Variants in FCRL4 observed in about 807,000 individuals in gnomAD.
FCRL4 encodes the protein Fc receptor like 4, also known as Fc receptor-like protein 4.
FCRL4 carries 43 observed loss-of-function variants against 64.1 expected under a neutral mutation model. The ratio of observed to expected loss-of-function variants is 0.67; its 90% CI spans 0.53 to 0.87. FCRL4 has a LOEUF of 0.87. Among genes scored for constraint, FCRL4 ranks in the 40% least tolerant of loss-of-function variants. The pLI, the probability that FCRL4 is intolerant of heterozygous loss-of-function variation, is 0.00. For synonymous variants in FCRL4, 253 were observed against 239.8 expected (o/e 1.05, Z -0.51); for missense variants, 656 against 613.5 (o/e 1.07, Z -0.73).
At position 157,583,725 on chromosome 1, in the gene FCRL4, T is replaced by C. The variant is rs1359648309; in HGVS notation, c.1136-2081A>G. Reference sequence around the variant, plus strand: ...GTTTTTTAAGCTCCCCAGTCCCTGGTGTTTGGTTATGGCAGTTCAAGCTGC... The same window carrying C: ...GTTTTTTAAGCTCCCCAGTCCCTGGCGTTTGGTTATGGCAGTTCAAGCTGC... On this transcript the variant is annotated intron_variant, in intron 6 of 11. Transcript: ENST00000271532. 2.6e-5 allele frequency among the ~76,000 whole-genome samples: 4 copies of C among 152,274 alleles called. No homozygotes were observed. In the South Asian group the frequency reaches 8.3e-4, roughly 32 times the overall value.
At chr1:157,584,750 C>T (rs1652635854) in intron 6 of FCRL4, among the ~76,000 whole-genome samples, 1 of 152,046 alleles carries the variant, frequency 6.6e-6, no homozygotes, top group South Asian at 2.1e-4. Context: ...CTGGGCCATT[C>T]GCATAGCAAC....
intron 2 of FCRL4, among the ~76,000 whole-genome samples, chr1:157,589,908 A>AG (rs1652801841): frequency 6.6e-6 from 1 of 152,130 alleles, no homozygotes; most frequent in African/African-American, 2.4e-5. Context: ...GATTATTTTG[A>AG]GCTAAAGGCT....
At position 157,589,272 on chromosome 1, in the gene FCRL4, G is replaced by T; in HGVS notation, c.239C>A (p.Ser80Tyr). ...CCGGGCCTGGCATCTGTACAGTCCA[G>T]ATTCCCGAACCTCGAGGGTGTTTCC... ...TPGNTLEVRESGLYRCQARGS... is the reference protein window; with the variant it reads ...TPGNTLEVREYGLYRCQARGS... Residue 80 changes from serine to tyrosine, a missense_variant, in exon 3 of 12, where the codon TCT (serine) becomes TAT (tyrosine). Ser to Tyr is a moderately radical substitution (Grantham distance 144, BLOSUM62 -2). Transcript: ENST00000271532. 1 of 1,614,200 alleles carries T rather than the reference G, an allele frequency of 6.2e-7. No homozygotes were observed. The highest frequency in any genetic ancestry group is 1.1e-5 in the South Asian group (1 of 91,086).
Position 157,586,342 on chromosome 1 carries a change from A to C in FCRL4, c.961T>G (p.Phe321Val), listed in dbSNP as rs149916273. The change falls in exon 6 of 12, where the codon TTC (phenylalanine) becomes GTC (valine). Residue 321 changes from phenylalanine to valine, a missense_variant. By Grantham distance (50) the Phe-to-Val change is conservative. Coordinates refer to ENST00000271532, the MANE Select transcript of FCRL4 (RefSeq NM_031282.3). ...SVAEGTGDTT[F>V]SWHREDMQES... ...TGCATGTCCTCTCGGTGCCAGGAGA[A>C]TGTGGTATCCCCTGTGCCTTCAGCC... The C allele has an allele frequency of 2.0e-5, 33 of 1,613,776 alleles. 1 individual carries two copies. The Admixed American group carries it at 4.5e-4, about 22-fold the overall frequency.
chr1:157,592,132 C>G (rs1557792846), intron 2 of FCRL4, among the ~76,000 whole-genome samples: 1 of 152,124 alleles, frequency 6.6e-6, no homozygotes, highest in Non-Finnish European at 1.5e-5. Flanking sequence ...GACCTAAAAA[C>G]CATAAAAACT....
At chr1:157,578,936 G>A in intron 8 of FCRL4, 84 bp from the exon 9 acceptor site, 1 of 1,145,746 alleles carries the variant, frequency 8.7e-7, no homozygotes, top group Non-Finnish European at 1.2e-6. Context: ...CGGCAGAGGA[G>A]AAAGAGGATT....
intron 2 of FCRL4, 107 bp from the exon 3 acceptor site, chr1:157,589,565 GC>G: frequency 7.3e-7 from 1 of 1,371,772 alleles, no homozygotes; most frequent in Non-Finnish European, 9.9e-7. Context: ...TCCCTAAGAT[GC>G]CCCCGGATGA....
Position 157,575,378 on chromosome 1 carries a change from C to T in FCRL4, c.*146G>A. On this transcript the variant is annotated 3_prime_UTR_variant, in exon 12 of 12. Transcript: ENST00000271532. The stretch of plus-strand genomic sequence containing the variant: ...ACATCAGAGTAGACGAATGAGTATT[C>T]CTGGGAGTGAATGCATATGCATGAG... 1 of 652,856 alleles carries T rather than the reference C, an allele frequency of 1.5e-6. No homozygotes were observed. Among genetic ancestry groups the T allele is most frequent in the Admixed American group, 2.4e-5 (1 of 41,974 alleles). 40.4% of individuals were successfully genotyped at this position (652,856 alleles called of 1,614,324 possible).
rs139535855 is a variant in FCRL4 at position 157,582,326 on chromosome 1, C to T, written c.1136-682G>A. Reference sequence around the variant, plus strand: ...AGGCTGCCCTGTGCTGGGCATTGACCTAACCCTTGAAGACCCAAGAGTGAA... The same window carrying T: ...AGGCTGCCCTGTGCTGGGCATTGACTTAACCCTTGAAGACCCAAGAGTGAA... On this transcript the variant is annotated intron_variant, in intron 6 of 11. Transcript: ENST00000271532. Among the ~76,000 whole-genome samples, 3 of 152,282 alleles carry T rather than the reference C, an allele frequency of 2.0e-5. No individual in the cohort carries two copies. In the East Asian group the frequency reaches 5.8e-4, roughly 29 times the overall value.
rs372875747 is a variant in FCRL4, at chr1:157,575,475, A to T, written c.*49T>A. 10 of 1,444,324 alleles carry T rather than the reference A, an allele frequency of 6.9e-6. No individual in the cohort carries two copies. Among genetic ancestry groups the T allele is most frequent in the Non-Finnish European group, 9.7e-6 (10 of 1,033,280 alleles). 89.5% of individuals were successfully genotyped at this position (1,444,324 alleles called of 1,614,324 possible). On this transcript the variant is annotated 3_prime_UTR_variant, in exon 12 of 12. Coordinates refer to ENST00000271532, the MANE Select transcript of FCRL4 (RefSeq NM_031282.3). ...GACTGCACTGGGCCTGGGACTTTGG[A>T]CAAGGGAGAAATCACATGAGTAGGA...
intron 5 of FCRL4, 152 bp downstream of exon 5, chr1:157,587,124 T>C: frequency 2.5e-6 from 2 of 789,572 alleles, no homozygotes; most frequent in African/African-American, 1.7e-5. Flanking sequence ...AAAGAAGTCA[T>C]GTATTTCTTT....
rs1236149773 is a variant in FCRL4, at chr1:157,587,490, G to C, written c.633C>G (p.Ser211Arg). The change falls in exon 5 of 12, where the codon AGC becomes AGG. Residue 211 changes from serine (S) to arginine (R), a missense_variant. Physicochemically the swap from Ser to Arg is moderately radical, Grantham distance 110. Transcript: ENST00000271532. ...QPTEGNSVNL[S>R]CETQLPPERS... is the part of the protein sequence containing the mutation. ...GCTCTGGAGGAAGCTGTGTTTCACAGCTCAGGTTTACAGAATTCCCCTCTG... is the reference window on the plus strand; with the variant it reads ...GCTCTGGAGGAAGCTGTGTTTCACACCTCAGGTTTACAGAATTCCCCTCTG... 2 of 1,614,100 alleles carry C rather than the reference G, an allele frequency of 1.2e-6. No homozygotes were observed. Among genetic ancestry groups the C allele is most frequent in the Non-Finnish European group, 1.7e-6 (2 of 1,180,004 alleles).
chr1:157,578,202 G>A (rs1652457900), intron 10 of FCRL4, among the ~76,000 whole-genome samples: 1 of 152,122 alleles, frequency 6.6e-6, no homozygotes, highest in African/African-American at 2.4e-5. Flanking sequence ...ACCTAAGGGA[G>A]ACCTTAGTAC....
At position 157,575,732 on chromosome 1, in the gene FCRL4, T is replaced by G. The variant is rs1183386284; in HGVS notation, c.1430-2A>C. 6.2e-7 allele frequency: 1 copy of G among 1,613,588 alleles called. No individual in the cohort carries two copies. Among genetic ancestry groups the G allele is most frequent in the East Asian group, 2.2e-5 (1 of 44,894 alleles). ...CTAGAAGTGTCCTGGAGGTATTAGC[T>G]GTGGACAGAAAGAGAATCACTGGAC... On this transcript the variant is annotated splice_acceptor_variant, in intron 10 of 11. Transcript: ENST00000271532. LOFTEE classifies it high-confidence loss of function.
intron 2 of FCRL4, among the ~76,000 whole-genome samples, chr1:157,590,072 C>G (rs1652805666): frequency 6.6e-6 from 1 of 152,188 alleles, no homozygotes; most frequent in African/African-American, 2.4e-5. Flanking sequence ...TGACAACTTT[C>G]ATCAATAGAG....
intron 10 of FCRL4, among the ~76,000 whole-genome samples, chr1:157,578,232 A>G (rs1652458449): frequency 6.6e-6 from 1 of 152,138 alleles, no homozygotes; most frequent in African/African-American, 2.4e-5. Context: ...AATGATCACA[A>G]TATCTATCAG....
At chr1:157,587,130 T>C in intron 5 of FCRL4, 146 bp downstream of exon 5, 1 of 839,334 alleles carries the variant, frequency 1.2e-6, no homozygotes, top group Non-Finnish European at 1.8e-6. Flanking sequence ...GTCATGTATT[T>C]CTTTTATTAT....
In FCRL4 at chr1:157,596,360, T is replaced by A. The variant is rs558724984; in HGVS notation, c.32-12A>T. 3 of 1,613,420 alleles carry A rather than the reference T, an allele frequency of 1.9e-6. No individual in the cohort carries two copies. In the East Asian group the frequency reaches 6.7e-5, roughly 36 times the overall value. The stretch of plus-strand genomic sequence containing the variant: ...TCCACAGACTGGAGCTGAAAGAGAG[T>A]AAAGAGCCAGCCATCAGCGTAGGCG... On this transcript the variant is annotated splice_polypyrimidine_tract_variant and intron_variant, in intron 1 of 11. Coordinates refer to ENST00000271532, the MANE Select transcript of FCRL4 (RefSeq NM_031282.3).
chr1:157,583,598 G>C (rs533508545), intron 6 of FCRL4, among the ~76,000 whole-genome samples: 5 of 152,282 alleles, frequency 3.3e-5, no homozygotes, highest in Non-Finnish European at 5.9e-5. Flanking sequence ...CAAGCAGGTA[G>C]CCTTCTGTAA....
Sources: gnomAD v4.1 joint callset for allele counts (sites outside exome capture counted in the v4.1 genomes callset) on GRCh38, gnomAD v4.1.1 for gene constraint, MANE v1.5 for transcripts, NCBI Gene and HGNC (gene_info 2026-07-23, HGNC 2026-07-21) for gene names.